MSH3: variants seen among roughly 807,000 people sequenced by gnomAD.
MSH3 encodes the protein mutS homolog 3.
MSH3 carries 106 observed loss-of-function variants against 123.3 expected under a neutral mutation model. That is an observed-to-expected ratio of 0.86 (90% CI 0.73 to 1.01). The LOEUF is 1.01. Ranked by LOEUF, MSH3 falls within the 50% of genes least tolerant of loss-of-function variation. MSH3 has a pLI of 0.00. For synonymous variants in MSH3, 515 were observed against 481.4 expected (o/e 1.07, Z -0.91); for missense variants, 1,459 against 1,347.6 (o/e 1.08, Z -1.29).
intron 10 of MSH3, among the ~76,000 whole-genome samples, chr5:80,737,893 T>A (rs1187643220): frequency 2.0e-5 from 3 of 152,194 alleles, no homozygotes; most frequent in African/African-American, 7.2e-5. Flanking sequence ...TGATCTTTTA[T>A]TAAAATCAAT....
Position 80,678,798 on chromosome 5 carries a change from A to G in MSH3, c.1174-129A>G. 3 of 989,896 alleles carry G rather than the reference A, an allele frequency of 3.0e-6. No homozygotes were observed. The Admixed American group carries it at 5.9e-5, about 20-fold the overall frequency. The allele number at this position is 989,896 out of a possible 1,614,324, so 61.3% of individuals were successfully genotyped here. ...CCTGAAAAGCAGACAGGTTTCTAAC[A>G]CTTTAGAAATAGAGTACATACATAC... is the stretch of plus-strand genomic sequence containing the variant. On this transcript the variant is annotated intron_variant, in intron 7 of 23. Coordinates refer to ENST00000265081, the MANE Select transcript of MSH3 (RefSeq NM_002439.5).
At chr5:80,724,392 ATATAT>A (rs1743213233) in intron 8 of MSH3, among the ~76,000 whole-genome samples, 2 of 145,694 alleles carry the variant, frequency 1.4e-5, no homozygotes, top group Non-Finnish European at 3.0e-5. Flanking sequence ...TATAATGAGC[ATATAT>A]TATATATGCT....
intron 12 of MSH3, among the ~76,000 whole-genome samples, chr5:80,752,006 T>C (rs1366959708): frequency 6.6e-6 from 1 of 152,108 alleles, no homozygotes; most frequent in African/African-American, 2.4e-5. Context: ...TCTTGTGCAA[T>C]TTTGTGTTTG....
intron 20 of MSH3, among the ~76,000 whole-genome samples, chr5:80,846,454 C>T (rs1338449949): frequency 4.6e-5 from 7 of 152,032 alleles, no homozygotes; most frequent in East Asian, 3.9e-4. Flanking sequence ...CAGACAGGGA[C>T]GTTTAAGTCT....
chr5:80,691,805 C>A (rs1750261480), intron 8 of MSH3, among the ~76,000 whole-genome samples: 1 of 145,686 alleles, frequency 6.9e-6, no homozygotes. Flanking sequence ...ATAAATATAT[C>A]TAAATATATA....
At chr5:80,861,083 A>G (rs1056805843) in intron 21 of MSH3, among the ~76,000 whole-genome samples, 2 of 152,188 alleles carry the variant, frequency 1.3e-5, no homozygotes, top group African/African-American at 4.8e-5. Context: ...TGTGTTAACC[A>G]TAGAGCCCTT....
chr5:80,681,786 C>G (rs1749973954), intron 8 of MSH3, among the ~76,000 whole-genome samples: 1 of 151,954 alleles, frequency 6.6e-6, no homozygotes, highest in South Asian at 2.1e-4. Flanking sequence ...TTCATAATGA[C>G]ATTGTCAAAA....
At chr5:80,701,855 A>G (rs1750617147) in intron 8 of MSH3, among the ~76,000 whole-genome samples, 1 of 151,938 alleles carries the variant, frequency 6.6e-6, no homozygotes, top group South Asian at 2.1e-4. Flanking sequence ...CAGGCCAGGA[A>G]TTTCTTCCTC....
chr5:80,816,984 A>C (rs1297578140), intron 20 of MSH3, among the ~76,000 whole-genome samples: 1 of 152,218 alleles, frequency 6.6e-6, no homozygotes, highest in Non-Finnish European at 1.5e-5. Flanking sequence ...GAGAGATCAA[A>C]GGTAAAGATG....
At chr5:80,669,888 C>T (rs41547521) in intron 3 of MSH3, among the ~76,000 whole-genome samples, 4,177 of 152,166 alleles carry the variant, frequency 0.027, 70 homozygotes, top group Middle Eastern at 0.065. Context: ...TCTATGATAG[C>T]TTACTTGGTT....
At chr5:80,802,567 ATG>A (rs1454084283) in intron 19 of MSH3, among the ~76,000 whole-genome samples, 1 of 152,088 alleles carries the variant, frequency 6.6e-6, no homozygotes, top group Non-Finnish European at 1.5e-5. Context: ...TCCTTTCTTT[ATG>A]TTACAAACAA....
intron 12 of MSH3, among the ~76,000 whole-genome samples, chr5:80,753,584 T>C (rs1023872790): frequency 1.3e-5 from 2 of 152,228 alleles, no homozygotes; most frequent in African/African-American, 4.8e-5. Flanking sequence ...TGCTAATGTG[T>C]TCGTTAACAC....
In MSH3 at chr5:80,743,792, C is replaced by T. The variant is rs1392321078; in HGVS notation, c.1654-714C>T. Among the ~76,000 whole-genome samples the T allele has an allele frequency of 9.9e-4, 9 of 9,136 alleles. 4 individuals carry two copies. 6.0% of individuals were successfully genotyped at this position (9,136 alleles called of 152,430 possible). On this transcript the variant is annotated intron_variant, in intron 11 of 23. Transcript: ENST00000265081. Reference sequence around the variant, plus strand: ...CCGGGAGGCGGAGCTTGCAGTGAGCCGAGATCGCGCCACTGCACTCCAGCC... The same window carrying T: ...CCGGGAGGCGGAGCTTGCAGTGAGCTGAGATCGCGCCACTGCACTCCAGCC...
At chr5:80,790,218 C>A (rs1427554236) in intron 18 of MSH3, among the ~76,000 whole-genome samples, 1 of 152,120 alleles carries the variant, frequency 6.6e-6, no homozygotes, top group African/African-American at 2.4e-5. Flanking sequence ...AATTTGGATG[C>A]AATCTAAATG....
chr5:80,749,541 C>G (rs542814888), intron 12 of MSH3, among the ~76,000 whole-genome samples: 1 of 152,296 alleles, frequency 6.6e-6, no homozygotes, highest in Non-Finnish European at 1.5e-5. Context: ...AATACCCTCA[C>G]AGATACACCC....
At position 80,867,125 on chromosome 5, in the gene MSH3, A is replaced by G. The variant is rs188982403; in HGVS notation, c.3130+2183A>G. 1.6e-3 allele frequency among the ~76,000 whole-genome samples: 241 copies of G among 152,302 alleles called. 2 individuals carry two copies. Among genetic ancestry groups the G allele is most frequent in the African/African-American group, 5.5e-3 (227 of 41,578 alleles). On this transcript the variant is annotated intron_variant, in intron 22 of 23. Coordinates refer to ENST00000265081, the MANE Select transcript of MSH3 (RefSeq NM_002439.5). ...GAGTTCCCTTACCCCTCTTCTAAGC[A>G]TGTGATTGCAAGGAACAAAACACTC...
At chr5:80,680,694 C>T (rs1451062720) in intron 8 of MSH3, among the ~76,000 whole-genome samples, 19 of 152,012 alleles carry the variant, frequency 1.2e-4, no homozygotes, top group African/African-American at 4.3e-4. Context: ...TAGCCAGCTT[C>T]AGCATTTCTC....
rs190029493 is a variant in MSH3, at chr5:80,848,658, T to A, written c.2814-5472T>A. On this transcript the variant is annotated intron_variant, in intron 20 of 23. Coordinates refer to ENST00000265081, the MANE Select transcript of MSH3 (RefSeq NM_002439.5). The stretch of plus-strand genomic sequence containing the variant: ...AATGCGCGTTTTTAAAACTATCAGA[T>A]CTCATGAGACCCATTCACTGTCATG... 7.9e-3 allele frequency among the ~76,000 whole-genome samples: 1,204 copies of A among 152,258 alleles called. 14 individuals carry two copies. Among genetic ancestry groups the A allele is most frequent in the African/African-American group, 0.028 (1,149 of 41,540 alleles).
intron 9 of MSH3, 43 bp from the exon 10 acceptor site, chr5:80,728,808 T>A: frequency 9.3e-7 from 1 of 1,070,120 alleles, no homozygotes; most frequent in Non-Finnish European, 1.4e-6. Context: ...TTTGATTAAT[T>A]TAAAAGAATT....
Sources: allele counts gnomAD v4.1 joint callset (sites outside exome capture counted in the v4.1 genomes callset), GRCh38; gene constraint gnomAD v4.1.1; transcripts MANE v1.5; gene names NCBI Gene and HGNC (gene_info 2026-07-23, HGNC 2026-07-21).